RAB5C: variants seen among roughly 807,000 people sequenced by gnomAD.
RAB5C encodes ras-related protein Rab-5C.
In RAB5C, 4 loss-of-function variants were observed where a neutral mutation model predicts 25.2. That is an observed-to-expected ratio of 0.16 (90% CI 0.08 to 0.36). RAB5C has a LOEUF of 0.36. RAB5C is among the 10% of genes least tolerant of loss of function. The pLI, the probability that RAB5C is intolerant of heterozygous loss-of-function variation, is 1.00. For synonymous variants in RAB5C, 100 were observed against 106.4 expected (o/e 0.94, Z 0.37); for missense variants, 199 against 283.8 (o/e 0.70, Z 2.15).
At chr17:42,145,122 G>A (rs963812179) in intron 1 of RAB5C, among the ~76,000 whole-genome samples, 8 of 151,878 alleles carry the variant, frequency 5.3e-5, no homozygotes, top group Admixed American at 1.3e-4. Flanking sequence ...GCAGTGAGCC[G>A]AGATTGCGCC....
chr17:42,145,909 C>A (rs907183372), intron 1 of RAB5C, among the ~76,000 whole-genome samples: 1 of 152,130 alleles, frequency 6.6e-6, no homozygotes, highest in Non-Finnish European at 1.5e-5. Context: ...CTGGTTCAAG[C>A]GATTCTTGTG....
intron 1 of RAB5C, among the ~76,000 whole-genome samples, chr17:42,137,305 C>CA (rs987824553): frequency 2.9e-5 from 3 of 105,240 alleles, no homozygotes; most frequent in Non-Finnish European, 3.9e-5. Context: ...GACACTGTCT[C>CA]AAAAAAAAGA....
chr17:42,128,564 G>T (rs573917612), intron 3 of RAB5C, 85 bp downstream of exon 3: 80 of 1,359,284 alleles, frequency 5.9e-5, no homozygotes, highest in Non-Finnish European at 7.5e-5. Flanking sequence ...AGGGTTAAGC[G>T]GCCTGAAATC....
chr17:42,131,459 C>T, intron 1 of RAB5C: 1 of 718,064 alleles, frequency 1.4e-6, no homozygotes, highest in Non-Finnish European at 2.3e-6. Context: ...CACACAAAAA[C>T]ACATGCCAAC....
chr17:42,131,703 G>T, intron 1 of RAB5C: 2 of 1,232,570 alleles, frequency 1.6e-6, no homozygotes, highest in Non-Finnish European at 2.3e-6. Flanking sequence ...ATCCCCAACA[G>T]CTGGTGTTCC....
At chr17:42,126,595 GA>G (rs2054426281) in intron 5 of RAB5C, 159 bp downstream of exon 5, 2 of 358,722 alleles carry the variant, frequency 5.6e-6, no homozygotes, top group Middle Eastern at 1.8e-3. Flanking sequence ...TCGTGCCACT[GA>G]ACTCCAGCCT....
intron 1 of RAB5C, among the ~76,000 whole-genome samples, chr17:42,153,321 G>A (rs2079684214): frequency 6.6e-6 from 1 of 152,090 alleles, no homozygotes; most frequent in Non-Finnish European, 1.5e-5. Flanking sequence ...GGAGGCTGAG[G>A]CAAGAGAACT....
chr17:42,127,939 C>A (rs564309033), intron 4 of RAB5C, among the ~76,000 whole-genome samples: 6 of 151,956 alleles, frequency 3.9e-5, no homozygotes, highest in African/African-American at 1.4e-4. Context: ...CGTGCCTCAG[C>A]CTCCTGAGCA....
At chr17:42,140,686 G>A (rs1328835138) in intron 1 of RAB5C, among the ~76,000 whole-genome samples, 1 of 151,582 alleles carries the variant, frequency 6.6e-6, no homozygotes. Flanking sequence ...ACCATACCCA[G>A]CTTGTATTTT....
intron 1 of RAB5C, among the ~76,000 whole-genome samples, chr17:42,150,029 C>A (rs886078248): frequency 8.5e-5 from 13 of 152,196 alleles, no homozygotes; most frequent in African/African-American, 2.9e-4. Flanking sequence ...GGATTACAGG[C>A]ATGTGCCACC....
At chr17:42,140,182 C>T (rs190230339) in intron 1 of RAB5C, among the ~76,000 whole-genome samples, 2 of 152,284 alleles carry the variant, frequency 1.3e-5, no homozygotes, top group Non-Finnish European at 1.5e-5. Context: ...CAGCCACTCA[C>T]ACCAGCGGAC....
intron 4 of RAB5C, 127 bp downstream of exon 4, chr17:42,128,134 A>C: frequency 7.4e-7 from 1 of 1,357,268 alleles, no homozygotes. Flanking sequence ...GAGGCACGAG[A>C]GGACAGCAGA....
chr17:42,130,108 G>A, intron 2 of RAB5C: 1 of 568,436 alleles, frequency 1.8e-6, no homozygotes. Context: ...GAAACAGGAT[G>A]GGAAGCTAGC....
intron 1 of RAB5C, among the ~76,000 whole-genome samples, chr17:42,141,184 G>A (rs2079601443): frequency 6.6e-6 from 1 of 152,166 alleles, no homozygotes; most frequent in African/African-American, 2.4e-5. Flanking sequence ...AAGAAATCAA[G>A]CAATGAATAG....
chr17:42,143,838 T>G (rs2079616595), intron 1 of RAB5C, among the ~76,000 whole-genome samples: 1 of 152,114 alleles, frequency 6.6e-6, no homozygotes, highest in Non-Finnish European at 1.5e-5. Context: ...CAGGCTGGGG[T>G]GCAGTGGCAG....
chr17:42,138,669 C>T (rs2054561769), intron 1 of RAB5C, among the ~76,000 whole-genome samples: 1 of 152,202 alleles, frequency 6.6e-6, no homozygotes, highest in Non-Finnish European at 1.5e-5. Flanking sequence ...GACTTCCACA[C>T]CACAATCAGG....
In RAB5C at chr17:42,128,670, C is replaced by T; in HGVS notation, c.297G>A (p.Val99=). The T allele has an allele frequency of 6.7e-7, 1 of 1,500,502 alleles. No individual in the cohort carries two copies. Among genetic ancestry groups the T allele is most frequent in the Non-Finnish European group, 8.9e-7 (1 of 1,126,550 alleles). The allele number at this position is 1,500,502 out of a possible 1,614,324, so 92.9% of individuals were successfully genotyped here. The change falls in exon 3 of 6, where the codon GTG becomes GTA. Residue 99 remains valine, a synonymous_variant. Coordinates refer to ENST00000346213, the MANE Select transcript of RAB5C (RefSeq NM_004583.4). ...MYYRGAQAAI[V]VYDITNTDTF... Reference sequence around the variant, plus strand: ...TTACTGTGTTGGTGATGTCATAGACCACGATGGCAGCCTGGGCCCCCCGAT... The same window carrying T: ...TTACTGTGTTGGTGATGTCATAGACTACGATGGCAGCCTGGGCCCCCCGAT...
chr17:42,128,834 C>T (rs370355817), intron 2 of RAB5C, 34 bp from the exon 3 acceptor site: 130 of 1,426,134 alleles, frequency 9.1e-5, no homozygotes, highest in Non-Finnish European at 1.1e-4. Context: ...TGGGCAAGAG[C>T]GAGTTGGAAT....
At chr17:42,126,264 A>T (rs2054421835) in intron 5 of RAB5C, among the ~76,000 whole-genome samples, 1 of 152,010 alleles carries the variant, frequency 6.6e-6, no homozygotes, top group Admixed American at 6.6e-5. Flanking sequence ...GGCTTCAGGA[A>T]CTTCTCGGGT....
Sources: gnomAD v4.1 joint callset for allele counts (sites outside exome capture counted in the v4.1 genomes callset) on GRCh38, gnomAD v4.1.1 for gene constraint, MANE v1.5 for transcripts, NCBI Gene and HGNC (gene_info 2026-07-23, HGNC 2026-07-21) for gene names.